Variants in PAG1 observed in about 807,000 individuals in gnomAD.
PAG1 encodes phosphoprotein associated with glycosphingolipid-enriched microdomains 1.
A neutral mutation model predicts 31.7 loss-of-function variants in PAG1; 23 were observed. That is an observed-to-expected ratio of 0.73 (90% confidence interval 0.52 to 1.03). PAG1 has a LOEUF of 1.03. Among genes scored for constraint, PAG1 ranks in the 50% least tolerant of loss-of-function variants. The pLI is 0.00. For missense variants in PAG1, 473 were observed against 540.7 expected, an observed-to-expected ratio of 0.87 and a Z score of 1.24; for synonymous variants, 214 against 210.3, an observed-to-expected ratio of 1.02 and a Z score of -0.15.
intron 3 of PAG1, among the ~76,000 whole-genome samples, chr8:81,006,207 T>C (rs1178582291): frequency 6.6e-6 from 1 of 151,932 alleles, no homozygotes; most frequent in African/African-American, 2.4e-5. Context: ...CCTCCCAAAG[T>C]GCTGGGATTA....
chr8:81,057,612 T>C (rs866381396), intron 2 of PAG1, among the ~76,000 whole-genome samples: 2 of 151,806 alleles, frequency 1.3e-5, no homozygotes, highest in African/African-American at 2.4e-5. Flanking sequence ...ATATACCTAA[T>C]GCAAATGACG....
At chr8:80,997,226 TCTTA>T (rs1159761156) in intron 3 of PAG1, among the ~76,000 whole-genome samples, 1 of 152,360 alleles carries the variant, frequency 6.6e-6, no homozygotes, top group East Asian at 1.9e-4. Context: ...CGAATCCTGT[TCTTA>T]CTTGACTCAA....
chr8:81,045,973 C>T (rs564566797), intron 2 of PAG1, among the ~76,000 whole-genome samples: 2 of 152,202 alleles, frequency 1.3e-5, no homozygotes, highest in Admixed American at 6.5e-5. Flanking sequence ...CAGCATAACT[C>T]GACCTCACAA....
At chr8:81,054,491 G>T (rs575662645) in intron 2 of PAG1, among the ~76,000 whole-genome samples, 1 of 152,034 alleles carries the variant, frequency 6.6e-6, no homozygotes, top group Admixed American at 6.5e-5. Context: ...TGGCTAATAC[G>T]GTGAAACCCC....
intron 3 of PAG1, among the ~76,000 whole-genome samples, chr8:81,017,739 A>C (rs1808096207): frequency 6.6e-6 from 1 of 152,196 alleles, no homozygotes; most frequent in African/African-American, 2.4e-5. Context: ...CAAGGCCTGT[A>C]TTTCTCAACT....
intron 2 of PAG1, among the ~76,000 whole-genome samples, chr8:81,044,836 A>C (rs1450440239): frequency 1.3e-5 from 2 of 152,032 alleles, no homozygotes; most frequent in African/African-American, 4.8e-5. Context: ...TGCTTCTCAC[A>C]TTCCCTAAGC....
chr8:81,023,662 A>G (rs529011745), intron 3 of PAG1, among the ~76,000 whole-genome samples: 8 of 152,226 alleles, frequency 5.3e-5, no homozygotes, highest in African/African-American at 1.9e-4. Flanking sequence ...TATGAGTGAT[A>G]TTTATTTCTA....
chr8:81,109,900 A>G (rs1586225979), intron 1 of PAG1, among the ~76,000 whole-genome samples: 1 of 152,198 alleles, frequency 6.6e-6, no homozygotes, highest in Admixed American at 6.5e-5. Context: ...CCAGGCTGCA[A>G]TAGGGCTTAA....
At chr8:81,011,394 G>A (rs1391266135) in intron 3 of PAG1, among the ~76,000 whole-genome samples, 1 of 152,068 alleles carries the variant, frequency 6.6e-6, no homozygotes, top group Non-Finnish European at 1.5e-5. Context: ...CCTTTTGTTT[G>A]GTTCTCATTT....
chr8:80,978,204 G>A (rs1227389971), intron 8 of PAG1, among the ~76,000 whole-genome samples: 1 of 152,120 alleles, frequency 6.6e-6, no homozygotes, highest in African/African-American at 2.4e-5. Flanking sequence ...TTACAGTTCA[G>A]AAAAACAGTC....
At chr8:81,097,286 G>A (rs116651945) in intron 1 of PAG1, among the ~76,000 whole-genome samples, 207 of 152,310 alleles carry the variant, frequency 1.4e-3, no homozygotes, top group African/African-American at 5.0e-3. Context: ...CATCACCAGA[G>A]CTGGGGAGGG....
At chr8:80,997,803 T>C (rs1160541313) in intron 3 of PAG1, among the ~76,000 whole-genome samples, 1 of 152,232 alleles carries the variant, frequency 6.6e-6, no homozygotes. Context: ...ATTGGCTGCA[T>C]TGATGTAAAG....
intron 2 of PAG1, among the ~76,000 whole-genome samples, chr8:81,036,187 T>C (rs1808459098): frequency 6.6e-6 from 1 of 152,182 alleles, no homozygotes; most frequent in Non-Finnish European, 1.5e-5. Context: ...CATGCATTTA[T>C]ACAGTTTTAC....
intron 1 of PAG1, among the ~76,000 whole-genome samples, chr8:81,071,130 G>T (rs938045896): frequency 6.6e-6 from 1 of 152,142 alleles, no homozygotes; most frequent in African/African-American, 2.4e-5. Flanking sequence ...GAAAAGCAAA[G>T]TAACATTTGA....
At chr8:81,065,297 TC>T (rs1563648479) in intron 2 of PAG1, among the ~76,000 whole-genome samples, 3 of 152,336 alleles carry the variant, frequency 2.0e-5, no homozygotes, top group East Asian at 1.9e-4. Context: ...ACTTCTGCAT[TC>T]TTTTTTTTCT....
At chr8:80,999,629 G>C (rs1351739151) in intron 3 of PAG1, among the ~76,000 whole-genome samples, 1 of 152,190 alleles carries the variant, frequency 6.6e-6, no homozygotes. Context: ...GTCACTTTTT[G>C]TACACACCAA....
At chr8:81,088,783 T>C (rs13274901) in intron 1 of PAG1, among the ~76,000 whole-genome samples, 85,743 of 152,048 alleles carry the variant, frequency 0.56, 24,446 homozygotes, top group East Asian at 0.66. Flanking sequence ...TAAACTCTAA[T>C]AAGAGCAAAG....
chr8:80,976,499 C>T lies in PAG1; in HGVS notation c.*45G>A. 1 of 1,553,038 alleles carries T rather than the reference C, an allele frequency of 6.4e-7. No individual in the cohort carries two copies. Among genetic ancestry groups the T allele is most frequent in the Non-Finnish European group, 8.7e-7 (1 of 1,154,868 alleles). On this transcript the variant is annotated 3_prime_UTR_variant, in exon 9 of 9. Coordinates refer to ENST00000220597, the MANE Select transcript of PAG1 (RefSeq NM_018440.4). ...TTCTTCTCTTCCACAGAAGAAACGTCTCCAGACACTGATCACAGGCTACCC... is the reference window on the plus strand; with the variant it reads ...TTCTTCTCTTCCACAGAAGAAACGTTTCCAGACACTGATCACAGGCTACCC...
intron 1 of PAG1, among the ~76,000 whole-genome samples, chr8:81,083,506 G>A (rs2131025772): frequency 6.6e-6 from 1 of 152,196 alleles, no homozygotes; most frequent in East Asian, 1.9e-4. Flanking sequence ...ATTTAGAGCT[G>A]GCAAGGGTGG....
Sources: allele counts gnomAD v4.1 joint callset (sites outside exome capture counted in the v4.1 genomes callset), GRCh38; gene constraint gnomAD v4.1.1; transcripts MANE v1.5; gene names NCBI Gene and HGNC (gene_info 2026-07-23, HGNC 2026-07-21).